The following CAMKMT variants were observed in gnomAD, a reference collection of about 807,000 sequenced individuals.
CAMKMT encodes calmodulin-lysine N-methyltransferase, also known as CaM KMT.
A neutral mutation model predicts 48.0 loss-of-function variants in CAMKMT; 53 were observed. The observed-to-expected ratio is 1.10, with a 90% CI of 0.89 to 1.39. CAMKMT has a LOEUF of 1.39. Among genes scored for constraint, CAMKMT ranks in the 40% most tolerant of loss-of-function variants. The pLI, the probability that CAMKMT is intolerant of heterozygous loss-of-function variation, is 0.00. For missense variants in CAMKMT, 428 were observed against 402.7 expected (o/e 1.06, Z -0.54); for synonymous variants, 165 against 152.3 (o/e 1.08, Z -0.61).
chr2:44,508,012 T>G (rs185155454), intron 3 of CAMKMT, among the ~76,000 whole-genome samples: 5 of 152,336 alleles, frequency 3.3e-5, no homozygotes. Context: ...TGCATGTGTT[T>G]AAATGTTTAG....
chr2:44,646,277 T>C (rs993952461), intron 3 of CAMKMT, among the ~76,000 whole-genome samples: 6 of 151,914 alleles, frequency 3.9e-5, no homozygotes, highest in Admixed American at 3.9e-4. Flanking sequence ...TCAACTCAGA[T>C]TGGCTGTTAG....
intron 3 of CAMKMT, among the ~76,000 whole-genome samples, chr2:44,684,506 G>C (rs1299975236): frequency 2.0e-5 from 3 of 151,722 alleles, no homozygotes; most frequent in African/African-American, 7.3e-5. Context: ...AAAAAACCTA[G>C]ACAGAATCAT....
rs1572632447 is a variant in CAMKMT, at chr2:44,488,365, G to A, written c.376+98060G>A. ...AAAATACAAAAAAAATTAGCTGAGT[G>A]TGGTGGCGCATGCCTGTAATCCCAG... is the stretch of plus-strand genomic sequence containing the variant. On this transcript the variant is annotated intron_variant, in intron 3 of 10. Coordinates refer to ENST00000378494, the MANE Select transcript of CAMKMT (RefSeq NM_024766.5). Among the ~76,000 whole-genome samples, 6 of 152,154 alleles carry A rather than the reference G, an allele frequency of 3.9e-5. No individual in the cohort carries two copies. In the South Asian group the frequency reaches 1.2e-3, roughly 32 times the overall value.
chr2:44,483,010 G>A (rs1669048957), intron 3 of CAMKMT, among the ~76,000 whole-genome samples: 1 of 152,094 alleles, frequency 6.6e-6, no homozygotes, highest in Admixed American at 6.5e-5. Flanking sequence ...CCAATGCTGT[G>A]GCTTTGAGTG....
intron 3 of CAMKMT, among the ~76,000 whole-genome samples, chr2:44,447,057 G>A (rs1192993880): frequency 6.6e-6 from 1 of 152,124 alleles, no homozygotes; most frequent in East Asian, 1.9e-4. Context: ...GACCATTTAA[G>A]ACAAGAGTAA....
chr2:44,702,507 A>C (rs1677311185), intron 3 of CAMKMT, among the ~76,000 whole-genome samples: 1 of 152,174 alleles, frequency 6.6e-6, no homozygotes, highest in Non-Finnish European at 1.5e-5. Flanking sequence ...TGAGGTTGAC[A>C]ATACTGCAAT....
At chr2:44,767,951 C>T (rs891790230) in intron 10 of CAMKMT, among the ~76,000 whole-genome samples, 2 of 152,142 alleles carry the variant, frequency 1.3e-5, no homozygotes, top group Non-Finnish European at 2.9e-5. Context: ...AGAGCAAAGG[C>T]TTGGGTTTCT....
intron 3 of CAMKMT, among the ~76,000 whole-genome samples, chr2:44,677,044 G>A (rs1675738741): frequency 6.6e-6 from 1 of 152,094 alleles, no homozygotes; most frequent in Admixed American, 6.5e-5. Context: ...TGACTGTGCT[G>A]ACCCTTTACA....
intron 3 of CAMKMT, chr2:44,631,555 C>T: frequency 5.1e-6 from 3 of 588,744 alleles, no homozygotes; most frequent in Non-Finnish European, 9.0e-6. Context: ...CCTTCTGCCT[C>T]AGCCTCCCAA....
chr2:44,513,498 T>G (rs1273042251), intron 3 of CAMKMT, among the ~76,000 whole-genome samples: 5 of 152,218 alleles, frequency 3.3e-5, no homozygotes, highest in African/African-American at 1.2e-4. Flanking sequence ...TTTATTATCC[T>G]GCTTATGGAT....
At chr2:44,469,433 A>C (rs922809186) in intron 3 of CAMKMT, among the ~76,000 whole-genome samples, 5 of 151,744 alleles carry the variant, frequency 3.3e-5, no homozygotes, top group African/African-American at 1.2e-4. Flanking sequence ...TTCAATGCGT[A>C]GCTTTAAGTA....
chr2:44,377,637 A>C (rs1465462914), intron 2 of CAMKMT, among the ~76,000 whole-genome samples: 1 of 152,198 alleles, frequency 6.6e-6, no homozygotes, highest in Non-Finnish European at 1.5e-5. Context: ...GGTATAGAGA[A>C]AGCTGAGAGG....
At chr2:44,705,283 C>G in intron 4 of CAMKMT, 1 of 883,564 alleles carries the variant, frequency 1.1e-6, no homozygotes, top group South Asian at 5.2e-5. Flanking sequence ...CCACCTCTCC[C>G]TCTCTTTTAA....
At chr2:44,750,711 G>A (rs777042792) in intron 8 of CAMKMT, among the ~76,000 whole-genome samples, 3 of 152,094 alleles carry the variant, frequency 2.0e-5, no homozygotes, top group Admixed American at 6.6e-5. Flanking sequence ...TTATGAGAGA[G>A]GCAAAGAAAT....
Position 44,372,805 on chromosome 2 carries a change from C to G in CAMKMT, c.228C>G (p.Gly76=). 6.2e-7 allele frequency: 1 copy of G among 1,613,712 alleles called. No homozygotes were observed. Among genetic ancestry groups the G allele is most frequent in the Non-Finnish European group, 8.5e-7 (1 of 1,179,842 alleles). Residue 76 remains glycine (G), a synonymous_variant, in exon 2 of 11, where the codon GGC becomes GGG. Coordinates refer to ENST00000378494, the MANE Select transcript of CAMKMT (RefSeq NM_024766.5). ...ESFNLFSVTE[G]KERETEEEVG... ...TTAATCTGTTTTCAGTAACAGAAGG[C>G]AAAGAAAGGGAAACTGAAGAGGAGG...
chr2:44,449,538 C>G (rs892297857), intron 3 of CAMKMT, among the ~76,000 whole-genome samples: 2 of 152,100 alleles, frequency 1.3e-5, no homozygotes, highest in Admixed American at 1.3e-4. Flanking sequence ...TTTCTCATTT[C>G]TAGATTAACC....
chr2:44,585,496 G>A (rs940338727), intron 3 of CAMKMT, among the ~76,000 whole-genome samples: 4 of 152,166 alleles, frequency 2.6e-5, no homozygotes, highest in African/African-American at 9.7e-5. Flanking sequence ...AGGGCTTAGT[G>A]TCAACCATGA....
intron 8 of CAMKMT, among the ~76,000 whole-genome samples, chr2:44,753,700 C>G (rs1202730213): frequency 6.6e-6 from 1 of 152,176 alleles, no homozygotes; most frequent in African/African-American, 2.4e-5. Context: ...GCAGAGGGCC[C>G]AGGTCTAAGG....
intron 3 of CAMKMT, among the ~76,000 whole-genome samples, chr2:44,459,858 A>G (rs1482814865): frequency 6.6e-6 from 1 of 152,228 alleles, no homozygotes; most frequent in Non-Finnish European, 1.5e-5. Context: ...CTTGAGATAA[A>G]ATGAAAATAA....
Sources: gnomAD v4.1 joint callset for allele counts (sites outside exome capture counted in the v4.1 genomes callset) on GRCh38, gnomAD v4.1.1 for gene constraint, MANE v1.5 for transcripts, NCBI Gene and HGNC (gene_info 2026-07-23, HGNC 2026-07-21) for gene names.